SIPA1L3: variants seen among roughly 807,000 people sequenced by gnomAD.
SIPA1L3 encodes signal-induced proliferation-associated 1-like protein 3.
SIPA1L3 carries 59 observed loss-of-function variants against 150.1 expected under a neutral mutation model. The ratio of observed to expected loss-of-function variants is 0.39; its 90% CI spans 0.32 to 0.49. SIPA1L3 has a LOEUF of 0.49. SIPA1L3 is among the 20% of genes least tolerant of loss of function. The pLI is 0.86. For missense variants in SIPA1L3, 2,211 were observed against 2,489.5 expected (o/e 0.89, Z 2.38); for synonymous variants, 1,070 against 1,077.6 (o/e 0.99, Z 0.14).
chr19:37,930,741 T>G (rs558152596), intron 1 of SIPA1L3, among the ~76,000 whole-genome samples: 1 of 152,248 alleles, frequency 6.6e-6, no homozygotes, highest in South Asian at 2.1e-4. Flanking sequence ...TTTCCGTATC[T>G]GTAAGGTGGA....
intron 1 of SIPA1L3, among the ~76,000 whole-genome samples, chr19:38,023,954 G>C (rs1477254474): frequency 6.6e-6 from 1 of 152,196 alleles, no homozygotes; most frequent in African/African-American, 2.4e-5. Flanking sequence ...CTTGGAAGCA[G>C]ATGCCAGCAA....
chr19:38,158,533 C>T (rs1049343686), intron 13 of SIPA1L3, among the ~76,000 whole-genome samples: 1 of 152,194 alleles, frequency 6.6e-6, no homozygotes, highest in African/African-American at 2.4e-5. Context: ...TCTCAGTCTT[C>T]TGTGCAGAGG....
intron 1 of SIPA1L3, among the ~76,000 whole-genome samples, chr19:38,028,692 C>CT (rs568012391): frequency 0.17 from 22,637 of 135,976 alleles, 2,153 homozygotes; most frequent in South Asian, 0.26. Flanking sequence ...TCAGTAAATA[C>CT]TTTTTTTTTT....
At chr19:38,122,334 G>A (rs1458169976) in intron 9 of SIPA1L3, among the ~76,000 whole-genome samples, 2 of 152,126 alleles carry the variant, frequency 1.3e-5, no homozygotes, top group South Asian at 2.1e-4. Flanking sequence ...AAAAAAGGTC[G>A]ACTCCATCCC....
At chr19:38,117,288 C>T (rs763412444) in intron 8 of SIPA1L3, among the ~76,000 whole-genome samples, 2 of 152,162 alleles carry the variant, frequency 1.3e-5, no homozygotes, top group Non-Finnish European at 2.9e-5. Flanking sequence ...GCTTCCTGCA[C>T]AGGCAGGAGA....
intron 18 of SIPA1L3, among the ~76,000 whole-genome samples, chr19:38,195,829 C>G (rs941005930): frequency 6.9e-6 from 1 of 144,492 alleles, no homozygotes; most frequent in East Asian, 2.1e-4. Flanking sequence ...TCACCCCCCT[C>G]CGTCCCTACT....
At chr19:38,095,474 G>C (rs1970357309) in intron 4 of SIPA1L3, among the ~76,000 whole-genome samples, 1 of 152,172 alleles carries the variant, frequency 6.6e-6, no homozygotes, top group Non-Finnish European at 1.5e-5. Context: ...GGAGTGAGTG[G>C]GGATAACCTG....
At position 38,195,802 on chromosome 19, in the gene SIPA1L3, G is replaced by GC. The variant is rs976090881; in HGVS notation, c.4840+2029dup. ...ACCACCACAGGCCCCGTCCCCCCCC[G>GC]CCCCCCCGGGTTTCTCTCACCCCCC... On this transcript the variant is annotated intron_variant, in intron 18 of 21. Transcript: ENST00000222345. Among the ~76,000 whole-genome samples the GC allele has an allele frequency of 1.3e-3, 27 of 20,254 alleles. 5 individuals are homozygous for GC. The highest frequency in any genetic ancestry group is 2.3e-3 in the Non-Finnish European group (23 of 9,884). 13.3% of individuals were successfully genotyped at this position (20,254 alleles called of 152,430 possible).
chr19:38,055,248 A>G (rs1969289930), intron 2 of SIPA1L3, among the ~76,000 whole-genome samples: 1 of 152,102 alleles, frequency 6.6e-6, no homozygotes, highest in South Asian at 2.1e-4. Flanking sequence ...TACACATGAG[A>G]AGAAAAGGGA....
intron 1 of SIPA1L3, among the ~76,000 whole-genome samples, chr19:37,944,916 A>G (rs541755630): frequency 1.3e-5 from 2 of 152,126 alleles, no homozygotes; most frequent in South Asian, 2.1e-4. Flanking sequence ...TTGCCACTGC[A>G]CTCCAGCCTG....
intron 18 of SIPA1L3, among the ~76,000 whole-genome samples, chr19:38,197,560 G>A (rs970255575): frequency 5.3e-5 from 8 of 151,756 alleles, no homozygotes; most frequent in African/African-American, 1.9e-4. Context: ...GACTCTCCTC[G>A]TCGCCAGCTC....
At chr19:38,105,364 C>CAA (rs879383438) in intron 6 of SIPA1L3, among the ~76,000 whole-genome samples, 2 of 111,514 alleles carry the variant, frequency 1.8e-5, no homozygotes, top group Non-Finnish European at 3.8e-5. Flanking sequence ...AACTCTGTCT[C>CAA]AAAAAAAAAA....
chr19:37,981,506 T>C (rs1050333536), intron 1 of SIPA1L3, among the ~76,000 whole-genome samples: 7 of 151,956 alleles, frequency 4.6e-5, no homozygotes, highest in Non-Finnish European at 8.8e-5. Flanking sequence ...GTTGAGCAGG[T>C]TACTTAACCT....
chr19:38,000,352 C>G (rs1967752222), intron 1 of SIPA1L3, among the ~76,000 whole-genome samples: 1 of 151,812 alleles, frequency 6.6e-6, no homozygotes, highest in Non-Finnish European at 1.5e-5. Context: ...CCTATAATCC[C>G]AGCTACTCTG....
intron 3 of SIPA1L3, among the ~76,000 whole-genome samples, chr19:38,083,907 C>T (rs549155119): frequency 5.3e-5 from 8 of 150,918 alleles, no homozygotes; most frequent in East Asian, 2.0e-4. Context: ...GTAGGAGAAT[C>T]GCTTGAACCC....
At chr19:38,122,307 A>C (rs1479443086) in intron 9 of SIPA1L3, among the ~76,000 whole-genome samples, 2 of 152,096 alleles carry the variant, frequency 1.3e-5, no homozygotes, top group Non-Finnish European at 2.9e-5. Flanking sequence ...TCCTCTACTC[A>C]AATAAGGTTT....
At chr19:38,135,437 T>C (rs1971414583) in intron 10 of SIPA1L3, among the ~76,000 whole-genome samples, 1 of 152,196 alleles carries the variant, frequency 6.6e-6, no homozygotes, top group South Asian at 2.1e-4. Flanking sequence ...CAAGGCCAGA[T>C]AACCCCACAG....
intron 2 of SIPA1L3, among the ~76,000 whole-genome samples, chr19:38,031,244 C>G (rs1968647930): frequency 1.3e-5 from 2 of 152,222 alleles, no homozygotes; most frequent in Admixed American, 6.5e-5. Context: ...AACCTTAACA[C>G]AGTGATCAAA....
intron 12 of SIPA1L3, among the ~76,000 whole-genome samples, chr19:38,144,476 G>T (rs1361134867): frequency 1.3e-5 from 2 of 152,268 alleles, no homozygotes; most frequent in African/African-American, 4.8e-5. Context: ...GAATCACCCA[G>T]AGGAGGACTT....
Sources: gnomAD v4.1 joint callset for allele counts (sites outside exome capture counted in the v4.1 genomes callset) on GRCh38, gnomAD v4.1.1 for gene constraint, MANE v1.5 for transcripts, NCBI Gene and HGNC (gene_info 2026-07-23, HGNC 2026-07-21) for gene names.